PIK3C3: variants seen among roughly 807,000 people sequenced by gnomAD.
PIK3C3 encodes phosphatidylinositol 3-kinase catalytic subunit type 3.
In PIK3C3, 95 loss-of-function variants were observed where a neutral mutation model predicts 126.1. That is an observed-to-expected ratio of 0.75 (90% CI 0.64 to 0.89). The LOEUF is 0.89. Among genes scored for constraint, PIK3C3 ranks in the 40% least tolerant of loss-of-function variants. The pLI, the probability that PIK3C3 is intolerant of heterozygous loss-of-function variation, is 0.00. For missense variants in PIK3C3, 829 were observed against 1,063.2 expected, an observed-to-expected ratio of 0.78 and a Z score of 3.06; for synonymous variants, 374 against 360.0, an observed-to-expected ratio of 1.04 and a Z score of -0.44.
At chr18:42,015,413 T>C in intron 11 of PIK3C3, 63 bp from the exon 12 acceptor site, 1 of 1,229,222 alleles carries the variant, frequency 8.1e-7, no homozygotes. Flanking sequence ...CCATAAAAAA[T>C]TGTGCGTTCT....
intron 6 of PIK3C3, among the ~76,000 whole-genome samples, chr18:41,991,829 G>T (rs544626146): frequency 1.3e-5 from 2 of 152,034 alleles, no homozygotes; most frequent in South Asian, 2.1e-4. Context: ...ATTTAACATT[G>T]TTTATTAATT....
chr18:42,013,600 TG>T lies in PIK3C3; in HGVS notation c.1325+6del. On this transcript the variant is annotated splice_donor_5th_base_variant and intron_variant, in intron 11 of 24. Transcript: ENST00000262039. ...TAAATTCTGCAGAAATAGATAGGTATGGATATCCAGGGAGGACATATTTTCT... is the reference window on the plus strand; with the variant it reads ...TAAATTCTGCAGAAATAGATAGGTATGATATCCAGGGAGGACATATTTTCT... The T allele has an allele frequency of 6.3e-7, 1 of 1,576,508 alleles. No individual in the cohort carries two copies. Among genetic ancestry groups the T allele is most frequent in the Non-Finnish European group, 8.6e-7 (1 of 1,159,444 alleles).
At chr18:42,047,304 C>A (rs867869481) in intron 20 of PIK3C3, among the ~76,000 whole-genome samples, 1 of 152,104 alleles carries the variant, frequency 6.6e-6, no homozygotes, top group Non-Finnish European at 1.5e-5. Context: ...TGCACATTAT[C>A]GGTAGTTTAG....
rs181021890 is a variant in PIK3C3, at chr18:41,978,135, T to C, written c.531+7679T>C. Among the ~76,000 whole-genome samples the C allele has an allele frequency of 3.9e-5, 6 of 152,234 alleles. No homozygotes were observed. In the East Asian group the frequency reaches 1.2e-3, roughly 30 times the overall value. ...CACCATGTTTGAATAGTTTCTTTTA[T>C]ATAGAGATGGTGCCTCACTTGGTTG... On this transcript the variant is annotated intron_variant, in intron 4 of 24. Transcript: ENST00000262039.
chr18:42,038,968 C>A, intron 18 of PIK3C3, 118 bp downstream of exon 18: 1 of 624,796 alleles, frequency 1.6e-6, no homozygotes, highest in Non-Finnish European at 2.8e-6. Flanking sequence ...GCACTGAAGA[C>A]AAGTTGGACC....
intron 4 of PIK3C3, among the ~76,000 whole-genome samples, chr18:41,972,402 T>C (rs1297177106): frequency 6.6e-6 from 1 of 152,118 alleles, no homozygotes; most frequent in Non-Finnish European, 1.5e-5. Context: ...GAGATAGTTA[T>C]TAAAATTTAT....
intron 14 of PIK3C3, among the ~76,000 whole-genome samples, chr18:42,028,555 T>C (rs1230469343): frequency 6.6e-6 from 1 of 152,232 alleles, no homozygotes; most frequent in South Asian, 2.1e-4. Flanking sequence ...TCACATCTTA[T>C]TAAACACTTT....
intron 9 of PIK3C3, among the ~76,000 whole-genome samples, chr18:42,003,350 GA>G (rs770622643): frequency 6.6e-6 from 1 of 152,164 alleles, no homozygotes; most frequent in East Asian, 1.9e-4. Context: ...CAAAGAAGAA[GA>G]AAACATCTTG....
At chr18:42,024,592 AGCCCG>A (rs1403553518) in intron 13 of PIK3C3, among the ~76,000 whole-genome samples, 3 of 149,590 alleles carry the variant, frequency 2.0e-5, no homozygotes, top group African/African-American at 7.4e-5. Context: ...TGTGCCACCA[AGCCCG>A]GCTAATTTTG....
At chr18:41,995,179 A>T (rs1247229740) in intron 7 of PIK3C3, among the ~76,000 whole-genome samples, 2 of 152,180 alleles carry the variant, frequency 1.3e-5, no homozygotes, top group African/African-American at 4.8e-5. Flanking sequence ...AGACCAACAA[A>T]GCCAAAAGAC....
chr18:42,006,280 T>TA (rs1337431793), intron 10 of PIK3C3, among the ~76,000 whole-genome samples: 1 of 151,792 alleles, frequency 6.6e-6, no homozygotes, highest in Non-Finnish European at 1.5e-5. Flanking sequence ...GTTTGCAGTA[T>TA]AGCACCCTCC....
intron 22 of PIK3C3, among the ~76,000 whole-genome samples, chr18:42,062,155 C>A (rs1024064240): frequency 1.3e-5 from 2 of 152,084 alleles, no homozygotes; most frequent in Non-Finnish European, 2.9e-5. Flanking sequence ...GTAGATTTCC[C>A]CATGCCAAGA....
rs1223968130 is a variant in PIK3C3 at position 42,064,329 on chromosome 18, A to G, written c.2433-411A>G. 2.6e-5 allele frequency among the ~76,000 whole-genome samples: 4 copies of G among 152,182 alleles called. No homozygotes were observed. The East Asian group carries it at 7.7e-4, about 29-fold the overall frequency. Reference sequence around the variant, plus strand: ...TTATTTCCCTTTCATTCATTTAGCCATGACACACTGAGGTCATCTTAAAGT... The same window carrying G: ...TTATTTCCCTTTCATTCATTTAGCCGTGACACACTGAGGTCATCTTAAAGT... On this transcript the variant is annotated intron_variant, in intron 22 of 24. Coordinates refer to ENST00000262039, the MANE Select transcript of PIK3C3 (RefSeq NM_002647.4).
chr18:41,975,353 AT>A (rs1336623594), intron 4 of PIK3C3, among the ~76,000 whole-genome samples: 2 of 152,252 alleles, frequency 1.3e-5, no homozygotes, highest in Non-Finnish European at 2.9e-5. Context: ...ATGAAATAAC[AT>A]TAAAAATTCA....
In PIK3C3 at chr18:42,043,835, T is replaced by C. The variant is rs751316663; in HGVS notation, c.2188+18T>C. 1 of 1,531,180 alleles carries C rather than the reference T, an allele frequency of 6.5e-7. No homozygotes were observed. Among genetic ancestry groups the C allele is most frequent in the Non-Finnish European group, 9.1e-7 (1 of 1,104,914 alleles). 94.8% of individuals were successfully genotyped at this position (1,531,180 alleles called of 1,614,324 possible). A position where few individuals can be genotyped will look rare whatever the true frequency, so the allele number is the denominator to read the frequency against. On this transcript the variant is annotated intron_variant, in intron 20 of 24. Coordinates refer to ENST00000262039, the MANE Select transcript of PIK3C3 (RefSeq NM_002647.4). ...AAGCTGTGGTAAGTTTTTCAGGCTA[T>C]TACTTTCCATTGATCAGATAAAGAA...
intron 21 of PIK3C3, among the ~76,000 whole-genome samples, chr18:42,054,148 A>ATC (rs1301627133): frequency 5.2e-5 from 1 of 19,264 alleles, no homozygotes; most frequent in Non-Finnish European, 1.0e-4. Flanking sequence ...ATATATATAT[A>ATC]TATATATATA....
intron 4 of PIK3C3, among the ~76,000 whole-genome samples, chr18:41,980,152 A>G (rs2144331350): frequency 6.6e-6 from 1 of 152,268 alleles, no homozygotes; most frequent in Middle Eastern, 3.4e-3. Flanking sequence ...TCAGAATTTA[A>G]CACTTAAGTT....
chr18:42,077,398 T>C (rs1986071862), intron 24 of PIK3C3, among the ~76,000 whole-genome samples: 1 of 152,234 alleles, frequency 6.6e-6, no homozygotes, highest in Non-Finnish European at 1.5e-5. Flanking sequence ...TTTTGCAGAA[T>C]TGGAGTCAAC....
At chr18:41,964,472 T>C (rs887378834) in intron 3 of PIK3C3, among the ~76,000 whole-genome samples, 1 of 152,096 alleles carries the variant, frequency 6.6e-6, no homozygotes. Flanking sequence ...TTGAGTAGTT[T>C]ATGATTGTTA....
Sources: gnomAD v4.1 joint callset for allele counts (sites outside exome capture counted in the v4.1 genomes callset) on GRCh38, gnomAD v4.1.1 for gene constraint, MANE v1.5 for transcripts, NCBI Gene and HGNC (gene_info 2026-07-23, HGNC 2026-07-21) for gene names.